SV2B: variants seen among roughly 807,000 people sequenced by gnomAD.
SV2B encodes the protein solute carrier family 22 member B2.
SV2B carries 41 observed loss-of-function variants against 73.9 expected under a neutral mutation model. That is an observed-to-expected ratio of 0.56 (90% CI 0.43 to 0.72). SV2B has a LOEUF of 0.72. SV2B is among the 30% of genes least tolerant of loss of function. SV2B has a pLI of 0.00. For missense variants in SV2B, 764 were observed against 857.8 expected (o/e 0.89, Z 1.37); for synonymous variants, 314 against 314.2 (o/e 1.00, Z 0.01).
In SV2B at chr15:91,261,265, A is replaced by AAT. The variant is rs1039577053; in HGVS notation, c.1008+857_1008+858insTA. Among the ~76,000 whole-genome samples, 2 of 151,950 alleles carry AAT rather than the reference A, an allele frequency of 1.3e-5. No homozygotes were observed. The highest frequency in any genetic ancestry group is 4.8e-5 in the African/African-American group (2 of 41,292). The stretch of plus-strand genomic sequence containing the variant: ...GCAACAGAGCAGGACTGTGTCTGAA[A>AAT]AAAAAAGATAACAGAAATAAACAGA... On this transcript the variant is annotated intron_variant, in intron 6 of 12. Transcript: ENST00000394232. This position sits in a 1 kb window ranked among gnomAD's most constrained non-coding sequence, Gnocchi z 4.7.
Position 91,294,059 on chromosome 15 carries a change from C to T in SV2B, c.*1507C>T, listed in dbSNP as rs1180171285. 1 of 152,218 alleles carries T rather than the reference C, an allele frequency of 6.6e-6. No homozygotes were observed. The highest frequency in any genetic ancestry group is 2.4e-5 in the African/African-American group (1 of 41,448). The allele number at this position is 152,218 out of a possible 1,614,324, so 9.4% of individuals were successfully genotyped here. A position where few individuals can be genotyped will look rare whatever the true frequency, so the allele number is the denominator to read the frequency against. ...AACTGCCAGCGGAGGTGAACTTGCA[C>T]CTGCCCAGGCCGGATGAACATCAGC... On this transcript the variant is annotated 3_prime_UTR_variant, in exon 13 of 13. Transcript: ENST00000394232. The surrounding 1 kb of genome is among the most constrained non-coding windows in gnomAD (Gnocchi z 4.1).
intron 1 of SV2B, among the ~76,000 whole-genome samples, chr15:91,159,196 C>A (rs559905055): frequency 6.6e-6 from 1 of 152,304 alleles, no homozygotes. Context: ...CTCCCCACCA[C>A]CTCAGCTTCT....
chr15:91,249,763 G>T (rs2047408825), intron 2 of SV2B, among the ~76,000 whole-genome samples: 1 of 152,168 alleles, frequency 6.6e-6, no homozygotes, highest in Non-Finnish European at 1.5e-5. Flanking sequence ...GTGTAATCTG[G>T]AAGAAATGCA....
chr15:91,101,913 A>G (rs1051258190), intron 1 of SV2B: 3 of 152,172 alleles, frequency 2.0e-5, no homozygotes, highest in African/African-American at 7.2e-5. Flanking sequence ...TTCCAGGACT[A>G]TGAAGGTTTT....
intron 11 of SV2B, among the ~76,000 whole-genome samples, chr15:91,286,643 G>GAATATTGAACATGTGTTC (rs2048869379): frequency 6.6e-6 from 1 of 152,066 alleles, no homozygotes; most frequent in Non-Finnish European, 1.5e-5. Flanking sequence ...TGAATATTAT[G>GAATATTGAACATGTGTTC]AATATTGAAC....
chr15:91,117,423 A>T (rs538172313), intron 1 of SV2B, among the ~76,000 whole-genome samples: 1 of 152,380 alleles, frequency 6.6e-6, no homozygotes, highest in East Asian at 1.9e-4. Context: ...CCTAACAAAT[A>T]GCCCTAATTA....
At chr15:91,131,977 T>C (rs1054486177) in intron 1 of SV2B, among the ~76,000 whole-genome samples, 1 of 151,904 alleles carries the variant, frequency 6.6e-6, no homozygotes, top group Admixed American at 6.6e-5. Context: ...AACAAACAAA[T>C]AAACAAACAA....
chr15:91,273,112 C>T (rs1051577771), intron 9 of SV2B, among the ~76,000 whole-genome samples: 22 of 152,124 alleles, frequency 1.4e-4, no homozygotes, highest in Non-Finnish European at 3.1e-4. Context: ...GGATTACAGT[C>T]ATGAGCCACC....
chr15:91,174,586 G>T (rs926144320), intron 1 of SV2B, among the ~76,000 whole-genome samples: 4 of 152,198 alleles, frequency 2.6e-5, no homozygotes, highest in African/African-American at 9.6e-5. Flanking sequence ...TTCGTCATTA[G>T]GTGGGATCCA....
At position 91,242,527 on chromosome 15, in the gene SV2B, G is replaced by T. The variant is rs980955066; in HGVS notation, c.452-9292G>T. Among the ~76,000 whole-genome samples the T allele has an allele frequency of 6.6e-6, 1 of 152,130 alleles. No homozygotes were observed. ...TATTGAGGATGGATGGTCAGGGAAG[G>T]CCTCTTTGAGATTTCGCCTGAAATA... On this transcript the variant is annotated intron_variant, in intron 2 of 12. Coordinates refer to ENST00000394232, the MANE Select transcript of SV2B (RefSeq NM_001323032.3). The surrounding 1 kb of genome is among the most constrained non-coding windows in gnomAD (Gnocchi z 4.9).
rs2042960661 is a variant in SV2B at position 91,140,252 on chromosome 15, T to C, written c.-392+39889T>C. 6.6e-6 allele frequency among the ~76,000 whole-genome samples: 1 copy of C among 152,226 alleles called. No homozygotes were observed. The highest frequency in any genetic ancestry group is 2.4e-5 in the African/African-American group (1 of 41,462). ...AAGTAATAGCAGCTAGGAACAAAGT[T>C]ACATTTTCTCAAGCCTTGACATTTT... is the stretch of plus-strand genomic sequence containing the variant. On this transcript the variant is annotated intron_variant, in intron 1 of 12. Coordinates refer to ENST00000394232, the MANE Select transcript of SV2B (RefSeq NM_001323032.3). This position sits in a 1 kb window ranked among gnomAD's most constrained non-coding sequence, Gnocchi z 4.4.
intron 1 of SV2B, among the ~76,000 whole-genome samples, chr15:91,182,020 CTTT>C (rs1483574757): frequency 1.3e-5 from 2 of 152,184 alleles, no homozygotes; most frequent in East Asian, 3.9e-4. Flanking sequence ...TTTTGCACTT[CTTT>C]TGTTTTAAAA....
chr15:91,122,389 TG>T lies in SV2B; in HGVS notation c.-392+22028del, dbSNP rs1411726589. Among the ~76,000 whole-genome samples the T allele has an allele frequency of 6.6e-6, 1 of 152,214 alleles. No homozygotes were observed. Among genetic ancestry groups the T allele is most frequent in the East Asian group, 1.9e-4 (1 of 5,200 alleles). On this transcript the variant is annotated intron_variant, in intron 1 of 12. Coordinates refer to ENST00000394232, the MANE Select transcript of SV2B (RefSeq NM_001323032.3). The surrounding 1 kb of genome is among the most constrained non-coding windows in gnomAD (Gnocchi z 4.3). ...GGGGAAACAGTCTAGAAAGCAGGAA[TG>T]GCTGGGGTTGATTTCCCTGTCTGAA...
rs182961624 is a variant in SV2B at position 91,210,197 on chromosome 15, T to A, written c.-391-15676T>A. Among the ~76,000 whole-genome samples the A allele has an allele frequency of 2.6e-5, 4 of 152,164 alleles. No homozygotes were observed. In the East Asian group the frequency reaches 7.7e-4, roughly 29 times the overall value. On this transcript the variant is annotated intron_variant, in intron 1 of 12. Coordinates refer to ENST00000394232, the MANE Select transcript of SV2B (RefSeq NM_001323032.3). ...ATTATTTCGGGTAACTAGATGGGAC[T>A]GCAAGATAATCTGTGAGGCCACTAC...
At chr15:91,270,978 CGGACGGTGAGTCCTGTGGATGATGGGA>C (rs1567418135) in intron 9 of SV2B, among the ~76,000 whole-genome samples, 5 of 90,998 alleles carry the variant, frequency 5.5e-5, no homozygotes, top group East Asian at 2.9e-4. Flanking sequence ...GGATGATGGG[CGGACGGTGAGTCCTGTGGATGATGGGA>C]GGACGGTGAG....
rs76880014 is a variant in SV2B, at chr15:91,257,597, A to G, written c.785-824A>G. Among the ~76,000 whole-genome samples, 17 of 152,338 alleles carry G rather than the reference A, an allele frequency of 1.1e-4. No homozygotes were observed. In the East Asian group the frequency reaches 3.3e-3, roughly 29 times the overall value. ...TCATTTAAAAAAATTGTGTAGCCGT[A>G]TAACAGCTTACAGTGTTTTTCAAAA... On this transcript the variant is annotated intron_variant, in intron 4 of 12. Transcript: ENST00000394232.
chr15:91,263,763 C>T lies in SV2B; in HGVS notation c.1009-2819C>T, dbSNP rs114423026. Among the ~76,000 whole-genome samples the T allele has an allele frequency of 3.4e-3, 523 of 152,264 alleles. 2 individuals carry two copies. Among genetic ancestry groups the T allele is most frequent in the African/African-American group, 0.012 (504 of 41,554 alleles). On this transcript the variant is annotated intron_variant, in intron 6 of 12. Transcript: ENST00000394232. The stretch of plus-strand genomic sequence containing the variant: ...AAGCGTTTGGGTTGAATGGACTTCC[C>T]GAACATTTGTGAACAGAGGAATTAC...
At chr15:91,215,487 A>G (rs2045994820) in intron 1 of SV2B, among the ~76,000 whole-genome samples, 1 of 152,190 alleles carries the variant, frequency 6.6e-6, no homozygotes, top group Non-Finnish European at 1.5e-5. Flanking sequence ...AACACAGAGG[A>G]ACAGAGAGAG....
In SV2B at chr15:91,118,879, C is replaced by T. The variant is rs565584403; in HGVS notation, c.-392+18516C>T. Among the ~76,000 whole-genome samples the T allele has an allele frequency of 8.5e-5, 13 of 152,314 alleles. No homozygotes were observed. Among genetic ancestry groups the T allele is most frequent in the Admixed American group, 7.2e-4 (11 of 15,296 alleles). ...CTGGTTCCTCTTCATAGCTTCTTGC[C>T]TCCTCTCATCGGCTCTGTGTGGAGA... On this transcript the variant is annotated intron_variant, in intron 1 of 12. Transcript: ENST00000394232. The surrounding 1 kb of genome is among the most constrained non-coding windows in gnomAD (Gnocchi z 4.7).
Sources: allele counts gnomAD v4.1 joint callset (sites outside exome capture counted in the v4.1 genomes callset), GRCh38; gene constraint gnomAD v4.1.1; non-coding constraint Gnocchi (gnomAD v3.1); transcripts MANE v1.5; gene names NCBI Gene and HGNC (gene_info 2026-07-23, HGNC 2026-07-21).